Variants in DPRX observed in about 807,000 individuals in gnomAD.
The protein encoded by DPRX is divergent-paired related homeobox, also known as divergent paired-related homeobox.
Under a neutral mutation model 8.4 loss-of-function variants are expected in DPRX, and 11 were observed. The observed-to-expected ratio is 1.31, with a 90% CI of 0.82 to 2.17. The LOEUF (loss-of-function observed/expected upper bound fraction) is 2.17. DPRX is among the 30% of genes most tolerant of loss of function. The pLI, the probability that DPRX is intolerant of heterozygous loss-of-function variation, is 0.00. For missense variants in DPRX, 211 were observed against 236.7 expected (o/e 0.89, Z 0.71); for synonymous variants, 72 against 87.0 (o/e 0.83, Z 0.96).
chr19:53,603,656 C>T, the DPRX span: 10 of 224,392 alleles, frequency 4.5e-5, no homozygotes, highest in Non-Finnish European at 7.5e-5. Context: ...TTCATCTACC[C>T]GTATCCACTA....
chr19:53,608,517 G>A, the DPRX span: 4 of 152,530 alleles, frequency 2.6e-5, no homozygotes, highest in Admixed American at 6.6e-5. Context: ...TGGTTGCCAG[G>A]AGCCAAAGGG....
At chr19:53,615,526 C>T in the DPRX span, among the ~76,000 whole-genome samples, 1 of 152,082 alleles carries the variant, frequency 6.6e-6, no homozygotes, top group Admixed American at 6.6e-5. Flanking sequence ...AGTGATCCGC[C>T]CACCTTGGCC....
chr19:53,609,466 CAAAAAAAAAAAAAAAAAAA>C, the DPRX span, among the ~76,000 whole-genome samples: 2 of 55,486 alleles, frequency 3.6e-5, no homozygotes, highest in Admixed American at 6.2e-4. Context: ...GACTCGGTCT[CAAAAAAAAAAAAAAAAAAA>C]AAAAAAAAAA....
the DPRX span, among the ~76,000 whole-genome samples, chr19:53,615,943 T>A: frequency 1.3e-5 from 2 of 151,880 alleles, no homozygotes; most frequent in African/African-American, 2.4e-5. Context: ...GTCTCCAATT[T>A]TTTTAAATTA....
chr19:53,606,017 CT>C, the DPRX span: 1 of 151,868 alleles, frequency 6.6e-6, no homozygotes, highest in East Asian at 1.9e-4. The surrounding 1 kb of genome is among the most constrained non-coding windows in gnomAD (Gnocchi z 4.8). Flanking sequence ...TAATAGCCAA[CT>C]TTTTAAAAAA....
At chr19:53,617,252 T>C in the DPRX span, 1 of 757,044 alleles carries the variant, frequency 1.3e-6, no homozygotes, top group Non-Finnish European at 2.4e-6. Flanking sequence ...CTCTGATGGG[T>C]TAGAGTGCCT....
At chr19:53,602,087 G>A in the DPRX span, 366 of 456,728 alleles carry the variant, frequency 8.0e-4, 3 homozygotes, top group Admixed American at 4.8e-3. Flanking sequence ...CAGCCGCTGC[G>A]ATGTAGATCA....
At chr19:53,618,121 C>T in the DPRX span, among the ~76,000 whole-genome samples, 52 of 141,668 alleles carry the variant, frequency 3.7e-4, no homozygotes, top group African/African-American at 1.1e-3. Flanking sequence ...CCAGCCTGGG[C>T]GACAGAGCGA....
At chr19:53,620,263 G>GT in the DPRX span, among the ~76,000 whole-genome samples, 1 of 151,880 alleles carries the variant, frequency 6.6e-6, no homozygotes, top group African/African-American at 2.4e-5. Flanking sequence ...TAGAGACAGG[G>GT]TTTCACCATG....
At chr19:53,633,486 C>A (rs1005160661) in intron 1 of DPRX, among the ~76,000 whole-genome samples, 22 of 151,916 alleles carry the variant, frequency 1.4e-4, no homozygotes, top group African/African-American at 4.8e-4. Flanking sequence ...CACAAGCGAT[C>A]CCTTATTTAC....
At chr19:53,607,204 G>C in the DPRX span, 1 of 152,442 alleles carries the variant, frequency 6.6e-6, no homozygotes, top group Admixed American at 6.6e-5. Flanking sequence ...CGTCAACCCA[G>C]ATTCCCCCTA....
chr19:53,616,604 A>G, the DPRX span, among the ~76,000 whole-genome samples: 1 of 152,194 alleles, frequency 6.6e-6, no homozygotes, highest in South Asian at 2.1e-4. Flanking sequence ...AAAATACAAA[A>G]TTAGCCAGGT....
At chr19:53,613,845 A>C in the DPRX span, among the ~76,000 whole-genome samples, 2 of 152,130 alleles carry the variant, frequency 1.3e-5, no homozygotes, top group African/African-American at 4.8e-5. Context: ...CCAATGACGA[A>C]GGAGATTGAG....
the DPRX span, among the ~76,000 whole-genome samples, chr19:53,608,871 T>C: frequency 1.1e-4 from 15 of 137,292 alleles, no homozygotes; most frequent in Admixed American, 1.1e-3. Context: ...AGGAGAATGG[T>C]GTGAAGCTGG....
upstream of DPRX, among the ~76,000 whole-genome samples, chr19:53,627,142 G>A (rs73937941): frequency 0.019 from 2,838 of 152,200 alleles, 86 homozygotes; most frequent in African/African-American, 0.065. Flanking sequence ...GACTCCACCC[G>A]CAGAGATTCA....
exon 1 of DPRX, chr19:53,632,083 C>T (rs2091094717): frequency 1.9e-5 from 31 of 1,613,892 alleles, no homozygotes; most frequent in Non-Finnish European, 2.6e-5. Flanking sequence ...GGACCTGAAC[C>T]CAGGCGCACA....
At chr19:53,604,346 G>C in the DPRX span, 1 of 152,700 alleles carries the variant, frequency 6.5e-6, no homozygotes, top group East Asian at 1.9e-4. Context: ...CCAGGAGGCA[G>C]GCAGAAGAGG....
the DPRX span, chr19:53,617,244 C>T: frequency 1.3e-6 from 1 of 777,870 alleles, no homozygotes. Flanking sequence ...ACCGGGCTCT[C>T]TGATGGGTTA....
the DPRX span, among the ~76,000 whole-genome samples, chr19:53,604,767 T>C: frequency 6.8e-6 from 1 of 147,844 alleles, no homozygotes; most frequent in Non-Finnish European, 1.5e-5. Context: ...CGCGTGGACC[T>C]GGGAGGCGGA....
Sources: allele counts gnomAD v4.1 joint callset (sites outside exome capture counted in the v4.1 genomes callset), GRCh38; gene constraint gnomAD v4.1.1; non-coding constraint Gnocchi (gnomAD v3.1); transcripts MANE v1.5; gene names NCBI Gene and HGNC (gene_info 2026-07-23, HGNC 2026-07-21).